Variants in RBPMS observed in about 807,000 individuals in gnomAD.
The protein encoded by RBPMS is RNA binding protein, mRNA processing factor.
In RBPMS, 7 loss-of-function variants were observed where a neutral mutation model predicts 26.8. The observed-to-expected ratio is 0.26, with a 90% CI of 0.15 to 0.49. RBPMS has a LOEUF of 0.49. Among genes scored for constraint, RBPMS ranks in the 20% least tolerant of loss-of-function variants. RBPMS has a pLI of 0.98. For synonymous variants in RBPMS, 96 were observed against 93.3 expected (o/e 1.03, Z -0.17); for missense variants, 186 against 250.0 (o/e 0.74, Z 1.73).
chr8:30,534,774 A>ATGACAAGTTAGTAGTTTCCAC (rs1445368854), intron 5 of RBPMS, among the ~76,000 whole-genome samples: 9,621 of 30,472 alleles, frequency 0.32, 4,805 homozygotes, highest in Middle Eastern at 0.4. Flanking sequence ...ACTGATAACT[A>ATGACAAGTTAGTAGTTTCCAC]CTTTGGGAGG....
At chr8:30,503,606 G>T (rs772617596) in intron 4 of RBPMS, among the ~76,000 whole-genome samples, 5 of 151,728 alleles carry the variant, frequency 3.3e-5, no homozygotes, top group Non-Finnish European at 5.9e-5. Flanking sequence ...TGGCGAGGGG[G>T]CGGGGGATGC....
chr8:30,547,261 T>C (rs1825943821), intron 6 of RBPMS: 1 of 1,465,036 alleles, frequency 6.8e-7, no homozygotes, highest in Non-Finnish European at 9.5e-7. Context: ...TTATGCTCTA[T>C]TTTGAGACAT....
At chr8:30,512,058 C>A (rs754846520) in intron 5 of RBPMS, among the ~76,000 whole-genome samples, 3 of 152,026 alleles carry the variant, frequency 2.0e-5, no homozygotes, top group Admixed American at 6.6e-5. Flanking sequence ...AGAGAACATG[C>A]CTCAAGTCAG....
Position 30,566,872 on chromosome 8 carries a change from A to G in RBPMS, c.*111+512A>G, listed in dbSNP as rs1423028331. ...GAGCATGACTGAATCAGAATTCACAATTAATTTCTCCAGACTGTGGGCCTC... is the reference window on the plus strand; with the variant it reads ...GAGCATGACTGAATCAGAATTCACAGTTAATTTCTCCAGACTGTGGGCCTC... On this transcript the variant is annotated intron_variant, in intron 8 of 8. Transcript: ENST00000397323. Among the ~76,000 whole-genome samples, 3 of 152,098 alleles carry G rather than the reference A, an allele frequency of 2.0e-5. No homozygotes were observed. In the East Asian group the frequency reaches 5.8e-4, roughly 29 times the overall value.
intron 5 of RBPMS, among the ~76,000 whole-genome samples, chr8:30,518,408 A>G (rs990309494): frequency 2.3e-4 from 35 of 151,882 alleles, no homozygotes; most frequent in African/African-American, 8.0e-4. Flanking sequence ...TTTTTCATTC[A>G]TTCATTCATT....
At chr8:30,474,064 G>C (rs1817431024) in intron 1 of RBPMS, among the ~76,000 whole-genome samples, 1 of 151,800 alleles carries the variant, frequency 6.6e-6, no homozygotes, top group Non-Finnish European at 1.5e-5. Context: ...TGTACATCCT[G>C]CACATGTACC....
intron 1 of RBPMS, among the ~76,000 whole-genome samples, chr8:30,462,770 T>C (rs573165960): frequency 1.3e-5 from 2 of 152,134 alleles, no homozygotes; most frequent in African/African-American, 4.8e-5. Flanking sequence ...AAAAATGGAA[T>C]ATAAAGAGAG....
chr8:30,540,495 G>A (rs527882416), intron 5 of RBPMS, among the ~76,000 whole-genome samples: 10 of 152,274 alleles, frequency 6.6e-5, no homozygotes, highest in Admixed American at 3.9e-4. Context: ...CAGTCAGAGC[G>A]CACTGCAACC....
intron 1 of RBPMS, among the ~76,000 whole-genome samples, chr8:30,453,281 A>G (rs1471270981): frequency 6.6e-6 from 1 of 152,228 alleles, no homozygotes; most frequent in Non-Finnish European, 1.5e-5. Flanking sequence ...TTCGAAATGC[A>G]GAATCTCAGC....
At chr8:30,536,108 C>G (rs931962591) in intron 5 of RBPMS, among the ~76,000 whole-genome samples, 13 of 149,996 alleles carry the variant, frequency 8.7e-5, no homozygotes, top group African/African-American at 1.5e-4. Flanking sequence ...CCTTATAGTT[C>G]AATAAGAGAT....
intron 1 of RBPMS, among the ~76,000 whole-genome samples, chr8:30,461,642 G>A (rs1170687923): frequency 2.0e-5 from 3 of 152,084 alleles, no homozygotes; most frequent in African/African-American, 7.2e-5. Flanking sequence ...TGTTCCACCC[G>A]CCTTGACCTC....
chr8:30,442,661 G>A (rs528619791), intron 1 of RBPMS: 1 of 152,486 alleles, frequency 6.6e-6, no homozygotes, highest in South Asian at 2.1e-4. Context: ...CTGAGCTCTA[G>A]GTGCAGGCGG....
At chr8:30,544,973 G>A in intron 6 of RBPMS, 1 of 1,454,992 alleles carries the variant, frequency 6.9e-7, no homozygotes, top group Non-Finnish European at 9.0e-7. Context: ...GTGTGGAAGG[G>A]CTGCAGAGGA....
At chr8:30,519,454 CTCTCTTTTTTTTTTT>C (rs1563403549) in intron 5 of RBPMS, among the ~76,000 whole-genome samples, 18 of 123,500 alleles carry the variant, frequency 1.5e-4, no homozygotes, top group African/African-American at 5.6e-4. Flanking sequence ...GGGAGGATCT[CTCTCTTTTTTTTTTT>C]TTTTTTTTTT....
chr8:30,502,662 C>T (rs1017030915), intron 4 of RBPMS, among the ~76,000 whole-genome samples: 4 of 152,160 alleles, frequency 2.6e-5, no homozygotes, highest in Admixed American at 6.5e-5. Context: ...GTGCTTGCCT[C>T]CCAGCAGAGA....
intron 5 of RBPMS, among the ~76,000 whole-genome samples, chr8:30,518,313 A>G (rs190870433): frequency 1.3e-4 from 20 of 152,252 alleles, no homozygotes; most frequent in Admixed American, 6.5e-4. Flanking sequence ...CTGAGTTGCA[A>G]TTTCATCTGA....
chr8:30,386,167 G>A (rs986975688), intron 1 of RBPMS, among the ~76,000 whole-genome samples: 1 of 152,138 alleles, frequency 6.6e-6, no homozygotes, highest in Non-Finnish European at 1.5e-5. Flanking sequence ...CACAGGTATT[G>A]GATCCTGATA....
chr8:30,413,527 A>G (rs149360567), intron 1 of RBPMS, among the ~76,000 whole-genome samples: 11 of 152,388 alleles, frequency 7.2e-5, no homozygotes, highest in Non-Finnish European at 1.6e-4. Flanking sequence ...GAAGAGTGCT[A>G]TCACAGGTGA....
At chr8:30,557,334 G>A (rs751618201) in intron 6 of RBPMS, among the ~76,000 whole-genome samples, 12 of 152,202 alleles carry the variant, frequency 7.9e-5, no homozygotes, top group Non-Finnish European at 1.5e-4. Context: ...AGGTCGGGGT[G>A]CTGTGTCGGA....
Sources: allele counts gnomAD v4.1 joint callset (sites outside exome capture counted in the v4.1 genomes callset), GRCh38; gene constraint gnomAD v4.1.1; transcripts MANE v1.5; gene names NCBI Gene and HGNC (gene_info 2026-07-23, HGNC 2026-07-21).